The following HDHD2 variants were observed in gnomAD, a reference collection of about 807,000 sequenced individuals.
HDHD2 encodes haloacid dehalogenase-like hydrolase domain-containing protein 2.
HDHD2 carries 26 observed loss-of-function variants against 24.8 expected under a neutral mutation model. That is an observed-to-expected ratio of 1.05 (90% CI 0.77 to 1.45). The LOEUF (loss-of-function observed/expected upper bound fraction) is 1.45. Ranked by LOEUF, HDHD2 falls within the 40% of genes most tolerant of loss-of-function variation. The pLI is 0.00. For missense variants in HDHD2, 299 were observed against 313.4 expected (o/e 0.95, Z 0.35); for synonymous variants, 128 against 114.9 (o/e 1.11, Z -0.73).
chr18:47,142,386 T>C (rs957747105), intron 1 of HDHD2, among the ~76,000 whole-genome samples: 10 of 152,116 alleles, frequency 6.6e-5, no homozygotes, highest in African/African-American at 2.2e-4. Flanking sequence ...ATCTGGCCCT[T>C]TACAGAAAAA....
chr18:47,116,011 T>C (rs2063555659), intron 4 of HDHD2, among the ~76,000 whole-genome samples: 1 of 152,176 alleles, frequency 6.6e-6, no homozygotes, highest in Non-Finnish European at 1.5e-5. Flanking sequence ...CGAAGAATAC[T>C]CTCACATCAG....
At chr18:47,145,153 A>G (rs2063857002) in intron 1 of HDHD2, among the ~76,000 whole-genome samples, 1 of 152,250 alleles carries the variant, frequency 6.6e-6, no homozygotes. Context: ...GAAGATCTTG[A>G]AAGCAGCCAA....
At chr18:47,134,769 A>G (rs953894305) in intron 2 of HDHD2, 65 bp from the exon 3 acceptor site, 9 of 1,321,024 alleles carry the variant, frequency 6.8e-6, no homozygotes, top group African/African-American at 2.9e-5. Flanking sequence ...AAAATCTCCT[A>G]ATTTGTTAAA....
intron 3 of HDHD2, 138 bp from the exon 4 acceptor site, chr18:47,130,466 T>C: frequency 1.7e-6 from 1 of 596,780 alleles, no homozygotes; most frequent in South Asian, 2.1e-5. Flanking sequence ...TCCTGCCCAG[T>C]GTACTTTGGA....
At chr18:47,126,529 T>C (rs2063659593) in intron 4 of HDHD2, among the ~76,000 whole-genome samples, 1 of 152,130 alleles carries the variant, frequency 6.6e-6, no homozygotes, top group South Asian at 2.1e-4. Flanking sequence ...TTTGGAGGAC[T>C]CTCAAACTCT....
chr18:47,131,283 T>C (rs1054231954), intron 3 of HDHD2, among the ~76,000 whole-genome samples: 6 of 152,180 alleles, frequency 3.9e-5, no homozygotes, highest in African/African-American at 1.4e-4. Flanking sequence ...AGCCTCTCCA[T>C]ACCATTATTA....
intron 1 of HDHD2, among the ~76,000 whole-genome samples, chr18:47,142,488 C>G (rs986298666): frequency 6.6e-6 from 1 of 152,050 alleles, no homozygotes; most frequent in African/African-American, 2.4e-5. Flanking sequence ...AGCTAAACAC[C>G]CTTAATTCCA....
In HDHD2 at chr18:47,139,464, C is replaced by CAAAAA. The variant is rs760347919; in HGVS notation, c.-10-3020_-10-3016dup. Among the ~76,000 whole-genome samples the CAAAAA allele has an allele frequency of 5.9e-5, 3 of 50,478 alleles. 1 individual carries two copies. The highest frequency in any genetic ancestry group is 2.3e-4 in the African/African-American group (3 of 13,236). The allele number at this position is 50,478 out of a possible 152,430, so 33.1% of individuals were successfully genotyped here. ...TGGGTGACAGAGCGAGACTCTGTCTCAAAAAAAAAAAAAAAAAAAAAAAAA... is the reference window on the plus strand; with the variant it reads ...TGGGTGACAGAGCGAGACTCTGTCTCAAAAAAAAAAAAAAAAAAAAAAAAAAAAAA... On this transcript the variant is annotated intron_variant, in intron 1 of 6. Transcript: ENST00000300605.
chr18:47,146,596 G>A (rs1208784508), intron 1 of HDHD2, among the ~76,000 whole-genome samples: 2 of 152,124 alleles, frequency 1.3e-5, no homozygotes, highest in Non-Finnish European at 2.9e-5. Context: ...CAATACAAAT[G>A]TCCATCAACA....
chr18:47,124,698 C>G (rs1255835002), intron 4 of HDHD2, among the ~76,000 whole-genome samples: 1 of 104,440 alleles, frequency 9.6e-6, no homozygotes, highest in Non-Finnish European at 1.8e-5. Flanking sequence ...AAGAGTGAAA[C>G]TCTGACTCAA....
rs2063513914 is a variant in HDHD2 at position 47,111,294 on chromosome 18, G to A, written c.676+1683C>T. On this transcript the variant is annotated intron_variant, in intron 6 of 6. Coordinates refer to ENST00000300605, the MANE Select transcript of HDHD2 (RefSeq NM_032124.5). ...GACAGAGCCAGTGGAGACCAGCTGG[G>A]GGAGCTGGGCCCATCAAGACACTGA... 3 of 984,932 alleles carry A rather than the reference G, an allele frequency of 3.0e-6. No individual in the cohort carries two copies. In the South Asian group the frequency reaches 1.4e-4, roughly 46 times the overall value. The allele number at this position is 984,932 out of a possible 1,614,324, so 61.0% of individuals were successfully genotyped here. A position where few individuals can be genotyped will look rare whatever the true frequency, so the allele number is the denominator to read the frequency against.
chr18:47,143,517 T>A (rs1478020327), intron 1 of HDHD2, among the ~76,000 whole-genome samples: 1 of 152,214 alleles, frequency 6.6e-6, no homozygotes, highest in African/African-American at 2.4e-5. Context: ...TAAGAAATAA[T>A]GCAGTGTTCT....
chr18:47,136,547 T>C (rs2063767997), intron 1 of HDHD2, 98 bp from the exon 2 acceptor site: 1 of 962,462 alleles, frequency 1.0e-6, no homozygotes, highest in Non-Finnish European at 1.5e-6. Context: ...TCCAGAAAGA[T>C]CCTGCTTAGT....
At chr18:47,121,955 AG>A (rs1195529469) in intron 4 of HDHD2, among the ~76,000 whole-genome samples, 1 of 152,188 alleles carries the variant, frequency 6.6e-6, no homozygotes, top group Non-Finnish European at 1.5e-5. Context: ...CTTTAAATAA[AG>A]TGGACTTCCT....
At chr18:47,146,252 C>G (rs1292817229) in intron 1 of HDHD2, among the ~76,000 whole-genome samples, 1 of 145,374 alleles carries the variant, frequency 6.9e-6, no homozygotes, top group Non-Finnish European at 1.5e-5. Context: ...AAAAAAAGAG[C>G]AAATCTGAAC....
chr18:47,116,138 T>G (rs988864178), intron 4 of HDHD2, among the ~76,000 whole-genome samples: 10 of 152,224 alleles, frequency 6.6e-5, no homozygotes, highest in Non-Finnish European at 1.3e-4. Context: ...AGAAATTTAA[T>G]ACTCATTTTC....
intron 1 of HDHD2, among the ~76,000 whole-genome samples, chr18:47,143,195 T>C (rs1599965249): frequency 6.6e-6 from 1 of 152,198 alleles, no homozygotes; most frequent in Non-Finnish European, 1.5e-5. Flanking sequence ...CTCGCACCTG[T>C]AATCCCAGCA....
chr18:47,126,056 C>T (rs1301402661), intron 4 of HDHD2, among the ~76,000 whole-genome samples: 1 of 152,170 alleles, frequency 6.6e-6, no homozygotes, highest in Non-Finnish European at 1.5e-5. Flanking sequence ...TAAACTTCTC[C>T]TACATACACT....
At chr18:47,143,490 CA>C (rs2144386517) in intron 1 of HDHD2, among the ~76,000 whole-genome samples, 1 of 152,258 alleles carries the variant, frequency 6.6e-6, no homozygotes, top group Admixed American at 6.5e-5. Context: ...ACTAAAGACA[CA>C]ACTACTCATG....
Sources: gnomAD v4.1 joint callset for allele counts (sites outside exome capture counted in the v4.1 genomes callset) on GRCh38, gnomAD v4.1.1 for gene constraint, MANE v1.5 for transcripts, NCBI Gene and HGNC (gene_info 2026-07-23, HGNC 2026-07-21) for gene names.